The following DIP2B variants were observed in gnomAD, a reference collection of about 807,000 sequenced individuals.
DIP2B encodes the protein DIP2 acetate--CoA ligase B (putative).
A neutral mutation model predicts 198.0 loss-of-function variants in DIP2B; 76 were observed. The ratio of observed to expected loss-of-function variants is 0.38; its 90% confidence interval spans 0.32 to 0.46. DIP2B has a LOEUF of 0.46. Among genes scored for constraint, DIP2B ranks in the 20% least tolerant of loss-of-function variants. The pLI is 0.99. For missense variants in DIP2B, 1,559 were observed against 1,978.4 expected (o/e 0.79, Z 4.02); for synonymous variants, 701 against 739.1 (o/e 0.95, Z 0.84).
At chr12:50,692,663 C>T (rs1173979347) in intron 13 of DIP2B, among the ~76,000 whole-genome samples, 2 of 152,036 alleles carry the variant, frequency 1.3e-5, no homozygotes, top group Non-Finnish European at 2.9e-5. Context: ...CCTGGTGAAA[C>T]TCCCTCTCTA....
chr12:50,534,403 C>T (rs1047358994), intron 1 of DIP2B, among the ~76,000 whole-genome samples: 2 of 123,606 alleles, frequency 1.6e-5, no homozygotes, highest in Non-Finnish European at 3.2e-5. Context: ...GACGGAGTCT[C>T]ACTGTGTCGC....
intron 37 of DIP2B, among the ~76,000 whole-genome samples, chr12:50,744,280 G>A (rs1017619177): frequency 2.0e-5 from 3 of 152,158 alleles, no homozygotes; most frequent in African/African-American, 7.2e-5. Context: ...GGGATTATAG[G>A]TGTGAGCCAC....
At position 50,697,152 on chromosome 12, in the gene DIP2B, A is replaced by G. The variant is rs1022137884; in HGVS notation, c.2025A>G (p.Glu675=). 5.6e-6 allele frequency: 9 copies of G among 1,613,952 alleles called. No homozygotes were observed. The Middle Eastern group carries it at 4.9e-4, about 88-fold the overall frequency. Residue 675 remains glutamate, a synonymous_variant, in exon 17 of 38, where the codon GAA becomes GAG. Coordinates refer to ENST00000301180, the MANE Select transcript of DIP2B (RefSeq NM_173602.3). ...TCTGTCCGTGCGCCACGTCTGCTGAAGCCATGACTGTAGCAATCCGCAGGT... is the reference window on the plus strand; with the variant it reads ...TCTGTCCGTGCGCCACGTCTGCTGAGGCCATGACTGTAGCAATCCGCAGGT... The part of the protein sequence containing the change: ...EAICPCATSA[E]AMTVAIRRPG...
intron 1 of DIP2B, among the ~76,000 whole-genome samples, chr12:50,544,847 G>A (rs1958362113): frequency 6.6e-6 from 1 of 150,590 alleles, no homozygotes; most frequent in Non-Finnish European, 1.5e-5. Flanking sequence ...TCGAACTCCT[G>A]ACCTCATGAT....
At position 50,691,129 on chromosome 12, in the gene DIP2B, G is replaced by T. The variant is rs115245528; in HGVS notation, c.1632G>T (p.Ser544=). 5.0e-6 allele frequency: 8 copies of T among 1,613,964 alleles called. No individual in the cohort carries two copies. The Admixed American group carries it at 8.3e-5, about 17-fold the overall frequency. Residue 544 remains serine (S), a synonymous_variant, in exon 13 of 38, where the codon TCG becomes TCT. Transcript: ENST00000301180. ...LAMLSHCQAL[S]QACNYSEGET... ...TGTTGTCTCACTGCCAAGCTCTGTC[G>T]CAGGCCTGCAATTATTCTGAAGGTC...
chr12:50,608,213 A>G (rs567715528), intron 1 of DIP2B, among the ~76,000 whole-genome samples: 1 of 152,350 alleles, frequency 6.6e-6, no homozygotes, highest in East Asian at 1.9e-4. Context: ...TTGATGGGGA[A>G]GTCTTAGCAT....
At position 50,699,119 on chromosome 12, in the gene DIP2B, G is replaced by A. The variant is rs1303785368; in HGVS notation, c.2242G>A (p.Glu748Lys). 2 of 1,614,188 alleles carry A rather than the reference G, an allele frequency of 1.2e-6. No individual in the cohort carries two copies. Among genetic ancestry groups the A allele is most frequent in the South Asian group, 2.2e-5 (2 of 91,084 alleles). ...DGPPQLCKTD[E>K]IGEICVSSRT... ...ACCTCCCCAGCTCTGCAAAACAGAT[G>A]AAATTGGAGAAATCTGTGTTAGCTC... Residue 748 changes from glutamate to lysine, a missense_variant, in exon 19 of 38, where the codon GAA becomes AAA. Transcript: ENST00000301180.
At chr12:50,577,547 A>C (rs1013367969) in intron 1 of DIP2B, among the ~76,000 whole-genome samples, 3 of 151,688 alleles carry the variant, frequency 2.0e-5, no homozygotes, top group Admixed American at 1.3e-4. Flanking sequence ...AATAAAAAAA[A>C]TAAAAAAAAG....
chr12:50,737,566 TTAACTATATAAAATAGTTAA>T (rs1940159356), intron 35 of DIP2B, among the ~76,000 whole-genome samples: 1 of 151,858 alleles, frequency 6.6e-6, no homozygotes, highest in Non-Finnish European at 1.5e-5. Context: ...TATATAAAAA[TTAACTATATAAAATAGTTAA>T]TTTTTCTTCC....
chr12:50,591,318 C>A (rs1277769057), intron 1 of DIP2B, among the ~76,000 whole-genome samples: 1 of 151,840 alleles, frequency 6.6e-6, no homozygotes, highest in Non-Finnish European at 1.5e-5. Context: ...GTTATTCTAG[C>A]CTTTTATGAT....
intron 20 of DIP2B, 141 bp downstream of exon 20, chr12:50,704,361 G>A (rs1325421386): frequency 6.1e-6 from 4 of 652,502 alleles, no homozygotes; most frequent in Non-Finnish European, 9.3e-6. Context: ...TTGTAAGGAT[G>A]TCATAAAATG....
Position 50,559,492 on chromosome 12 carries a change from G to A in DIP2B, c.100+54252G>A, listed in dbSNP as rs149601177. On this transcript the variant is annotated intron_variant, in intron 1 of 37. Coordinates refer to ENST00000301180, the MANE Select transcript of DIP2B (RefSeq NM_173602.3). ...ATAGTGTCTCATGCCTGTAATCCCA[G>A]CATTTTGGGAGGCTAATGTGGGAGG... 5.1e-4 allele frequency among the ~76,000 whole-genome samples: 77 copies of A among 152,090 alleles called. 1 individual carries two copies. The highest frequency in any genetic ancestry group is 1.8e-3 in the African/African-American group (75 of 41,468).
At chr12:50,578,504 C>CTTTTTT (rs62685162) in intron 1 of DIP2B, among the ~76,000 whole-genome samples, 11 of 111,604 alleles carry the variant, frequency 9.9e-5, no homozygotes, top group African/African-American at 7.0e-5. Flanking sequence ...GTTATTTGCT[C>CTTTTTT]TTTTTTTTTT....
In DIP2B at chr12:50,513,044, G is replaced by A. The variant is rs547985463; in HGVS notation, c.100+7804G>A. Among the ~76,000 whole-genome samples, 3 of 152,286 alleles carry A rather than the reference G, an allele frequency of 2.0e-5. No individual in the cohort carries two copies. The East Asian group carries it at 5.8e-4, about 29-fold the overall frequency. ...AAAAAGGAATGACACCCTCCTTGGA[G>A]TTGTAAGGAGGTTTAAAGTAAGATA... On this transcript the variant is annotated intron_variant, in intron 1 of 37. Coordinates refer to ENST00000301180, the MANE Select transcript of DIP2B (RefSeq NM_173602.3).
intron 1 of DIP2B, among the ~76,000 whole-genome samples, chr12:50,579,718 T>TAC (rs1565832090): frequency 3.4e-5 from 3 of 87,868 alleles, no homozygotes; most frequent in African/African-American, 8.3e-5. Context: ...TATATATATA[T>TAC]ACATAGCTTC....
At chr12:50,537,426 T>C (rs1958280638) in intron 1 of DIP2B, among the ~76,000 whole-genome samples, 1 of 152,012 alleles carries the variant, frequency 6.6e-6, no homozygotes, top group Non-Finnish European at 1.5e-5. Context: ...GATTTTGAGT[T>C]TGAGTGACCA....
Position 50,519,255 on chromosome 12 carries a change from T to C in DIP2B, c.100+14015T>C, listed in dbSNP as rs868387236. Among the ~76,000 whole-genome samples the C allele has an allele frequency of 3.9e-5, 6 of 152,286 alleles. No individual in the cohort carries two copies. In the Middle Eastern group the frequency reaches 0.01, roughly 259 times the overall value. On this transcript the variant is annotated intron_variant, in intron 1 of 37. Transcript: ENST00000301180. ...AACTACTGGCAAGATGTGACTTTTATTTCTTTTCTTATTTCTTAAAATTTT... is the reference window on the plus strand; with the variant it reads ...AACTACTGGCAAGATGTGACTTTTACTTCTTTTCTTATTTCTTAAAATTTT...
chr12:50,548,415 G>A (rs974206598), intron 1 of DIP2B, among the ~76,000 whole-genome samples: 1 of 152,128 alleles, frequency 6.6e-6, no homozygotes, highest in East Asian at 1.9e-4. Flanking sequence ...GTGTATATGT[G>A]TATATATACA....
At chr12:50,666,820 G>A (rs1938762203) in intron 4 of DIP2B, among the ~76,000 whole-genome samples, 1 of 151,956 alleles carries the variant, frequency 6.6e-6, no homozygotes, top group African/African-American at 2.4e-5. Flanking sequence ...AGGAGATCAA[G>A]ACCATCCTGG....
Sources: gnomAD v4.1 joint callset for allele counts (sites outside exome capture counted in the v4.1 genomes callset) on GRCh38, gnomAD v4.1.1 for gene constraint, MANE v1.5 for transcripts, NCBI Gene and HGNC (gene_info 2026-07-23, HGNC 2026-07-21) for gene names.